LARP4B: variants seen among roughly 807,000 people sequenced by gnomAD.
The protein encoded by LARP4B is La ribonucleoprotein 4B.
Under a neutral mutation model 89.8 loss-of-function variants are expected in LARP4B, and 12 were observed. The observed-to-expected ratio is 0.13, with a 90% CI of 0.09 to 0.22. The LOEUF (loss-of-function observed/expected upper bound fraction) is 0.22. Among genes scored for constraint, LARP4B ranks in the 10% least tolerant of loss-of-function variants. LARP4B has a pLI of 1.00. For missense variants in LARP4B, 757 were observed against 947.7 expected (o/e 0.80, Z 2.64); for synonymous variants, 367 against 363.3 (o/e 1.01, Z -0.12).
rs556817200 is a variant in LARP4B at position 832,400 on chromosome 10, G to GA, written c.751-1424dup. On this transcript the variant is annotated intron_variant, in intron 8 of 17. Coordinates refer to ENST00000316157, the MANE Select transcript of LARP4B (RefSeq NM_015155.3). ...ACTGGAGATGAAAAATACAATGTCT[G>GA]AAATTAAAACTACACTAAATAAGAT... 6.0e-4 allele frequency among the ~76,000 whole-genome samples: 92 copies of GA among 152,280 alleles called. 3 individuals are homozygous for GA. The South Asian group carries it at 0.019, about 31-fold the overall frequency.
chr10:949,942 A>G, the LARP4B span, among the ~76,000 whole-genome samples: 2 of 152,076 alleles, frequency 1.3e-5, no homozygotes, highest in African/African-American at 2.4e-5. Flanking sequence ...CGCCCAGCTA[A>G]TGTTTGTTTT....
the LARP4B span, chr10:987,819 C>A: frequency 6.6e-6 from 1 of 152,372 alleles, no homozygotes; most frequent in African/African-American, 2.4e-5. Context: ...CCAGCTGCAC[C>A]TCTTTTGCCT....
the LARP4B span, among the ~76,000 whole-genome samples, chr10:969,573 T>C: frequency 1.3e-5 from 2 of 151,902 alleles, no homozygotes; most frequent in East Asian, 3.9e-4. Flanking sequence ...CTACTAAAAA[T>C]ACAGAAATTA....
In LARP4B at chr10:825,073, C is replaced by T. The variant is rs1564384680; in HGVS notation, c.1476G>A (p.Gly492=). Residue 492 remains glycine, a synonymous_variant, in exon 13 of 18, where the codon GGG becomes GGA. Transcript: ENST00000316157. ...ACTGCTCAACAACTCACCTTCCCCT[C>T]CCTAAACCAGGAGAGGATTCGAGAC... ...PGSLESSPGL[G]RGRKNSFGYR... The T allele has an allele frequency of 1.2e-6, 2 of 1,613,954 alleles. No individual in the cohort carries two copies. Among genetic ancestry groups the T allele is most frequent in the Non-Finnish European group, 1.7e-6 (2 of 1,179,852 alleles).
At chr10:917,549 T>C (rs1249969571) in intron 1 of LARP4B, among the ~76,000 whole-genome samples, 2 of 152,218 alleles carry the variant, frequency 1.3e-5, no homozygotes, top group South Asian at 2.1e-4. Flanking sequence ...AAAAGCCTGT[T>C]GGAAAGACTA....
At chr10:848,419 G>C (rs570655468) in intron 5 of LARP4B, among the ~76,000 whole-genome samples, 4 of 152,172 alleles carry the variant, frequency 2.6e-5, no homozygotes, top group African/African-American at 9.6e-5. Flanking sequence ...GAAGCAGGAA[G>C]ATATGACCCA....
the LARP4B span, among the ~76,000 whole-genome samples, chr10:937,903 G>C: frequency 6.6e-6 from 1 of 151,712 alleles, no homozygotes; most frequent in African/African-American, 2.4e-5. Flanking sequence ...TATTTATTTT[G>C]AGACGGAGTC....
At chr10:981,288 A>C in the LARP4B span, among the ~76,000 whole-genome samples, 1,385 of 152,322 alleles carry the variant, frequency 9.1e-3, 15 homozygotes, top group Non-Finnish European at 0.015. Context: ...TTCCCTCATC[A>C]TCCTGTCTTC....
the LARP4B span, among the ~76,000 whole-genome samples, chr10:947,815 G>A: frequency 2.0e-5 from 3 of 152,050 alleles, no homozygotes; most frequent in East Asian, 5.8e-4. Context: ...TAGAGACAGG[G>A]TTTCTCCATG....
intron 5 of LARP4B, among the ~76,000 whole-genome samples, chr10:855,507 G>A (rs538112307): frequency 1.3e-5 from 2 of 152,230 alleles, no homozygotes; most frequent in African/African-American, 4.8e-5. Context: ...CAAGGGAAGA[G>A]CCAGTTAGTG....
chr10:886,546 A>G (rs1835863552), intron 1 of LARP4B, among the ~76,000 whole-genome samples: 1 of 152,220 alleles, frequency 6.6e-6, no homozygotes, highest in African/African-American at 2.4e-5. Context: ...TAGAAACCAC[A>G]TAGTTGTCCA....
chr10:942,263 A>G, the LARP4B span: 19 of 152,242 alleles, frequency 1.2e-4, no homozygotes, highest in African/African-American at 4.6e-4. Context: ...CTGTCAAAGA[A>G]TATGGGGGTG....
chr10:981,634 G>T, the LARP4B span, among the ~76,000 whole-genome samples: 3 of 151,756 alleles, frequency 2.0e-5, no homozygotes, highest in African/African-American at 7.3e-5. Flanking sequence ...GCAGTGGTAC[G>T]ATCTCGGCTC....
At chr10:904,279 T>A (rs907441308) in intron 1 of LARP4B, among the ~76,000 whole-genome samples, 23 of 152,028 alleles carry the variant, frequency 1.5e-4, no homozygotes, top group African/African-American at 5.5e-4. Context: ...ATAGGCCGGG[T>A]GCAGTGGCTC....
In LARP4B at chr10:823,733, G is replaced by A. The variant is rs114776912; in HGVS notation, c.1484+1332C>T. On this transcript the variant is annotated intron_variant, in intron 13 of 17. Transcript: ENST00000316157. ...CTCTGCAACCCTCCTCCCTCCAAGC[G>A]TCTGGGTCTTAAGAACCCCAAACTG... is the stretch of plus-strand genomic sequence containing the variant. Among the ~76,000 whole-genome samples, 855 of 151,950 alleles carry A rather than the reference G, an allele frequency of 5.6e-3. 6 individuals carry two copies. Among genetic ancestry groups the A allele is most frequent in the African/African-American group, 0.019 (789 of 41,436 alleles).
chr10:859,792 C>T (rs79926154), intron 5 of LARP4B, among the ~76,000 whole-genome samples: 2,910 of 150,464 alleles, frequency 0.019, 95 homozygotes, highest in African/African-American at 0.067. Context: ...CTACATCCTG[C>T]AGGATTCCAA....
chr10:818,102 A>G, intron 14 of LARP4B: 1 of 508,828 alleles, frequency 2.0e-6, no homozygotes, highest in Non-Finnish European at 3.5e-6. Flanking sequence ...GCTGCCCAAG[A>G]GATGTGTCAC....
intron 5 of LARP4B, among the ~76,000 whole-genome samples, chr10:854,576 GT>G (rs1023334289): frequency 2.7e-4 from 39 of 146,532 alleles, no homozygotes; most frequent in African/African-American, 5.5e-4. Flanking sequence ...AAATATCTTT[GT>G]TTTTTTTTTT....
upstream of LARP4B, among the ~76,000 whole-genome samples, chr10:936,298 G>A (rs115688560): frequency 0.018 from 2,777 of 152,174 alleles, 82 homozygotes; most frequent in African/African-American, 0.064. Context: ...TAGAGTGCTT[G>A]GGTGGCTCAC....
Sources: allele counts gnomAD v4.1 joint callset (sites outside exome capture counted in the v4.1 genomes callset), GRCh38; gene constraint gnomAD v4.1.1; transcripts MANE v1.5; gene names NCBI Gene and HGNC (gene_info 2026-07-23, HGNC 2026-07-21).